Variants in IL1RAPL2 observed in about 807,000 individuals in gnomAD.
IL1RAPL2 encodes the protein X-linked interleukin-1 receptor accessory protein-like 2.
In IL1RAPL2, 3 loss-of-function variants were observed where a neutral mutation model predicts 44.1. That is an observed-to-expected ratio of 0.07 (90% CI 0.03 to 0.18). The LOEUF (loss-of-function observed/expected upper bound fraction) is 0.18, where lower values mean the gene tolerates loss of function less well. Ranked by LOEUF, IL1RAPL2 falls within the 10% of genes least tolerant of loss-of-function variation. The pLI, the probability that IL1RAPL2 is intolerant of heterozygous loss-of-function variation, is 1.00. For missense variants in IL1RAPL2, 391 were observed against 496.4 expected (o/e 0.79, Z 2.02); for synonymous variants, 181 against 178.8 (o/e 1.01, Z -0.10).
chrX:105,424,708 C>G (rs1738623920), intron 5 of IL1RAPL2, among the ~76,000 whole-genome samples: 1 of 108,641 alleles, frequency 9.2e-6, no homozygotes, highest in African/African-American at 3.4e-5. Context: ...GGAGATCATT[C>G]CATTGCACTC....
chrX:105,123,364 C>G (rs1398755162), intron 2 of IL1RAPL2, among the ~76,000 whole-genome samples: 1 of 110,882 alleles, frequency 9.0e-6, no homozygotes, highest in African/African-American at 3.3e-5. Context: ...TTGGTGAGAG[C>G]CCCACGTTAG....
chrX:104,761,930 CTTCTT>C lies in IL1RAPL2; in HGVS notation c.82+102936_82+102940del, dbSNP rs1569309919. ...CCTTCTCCTTCTCCTTCTCCTTCTT[CTTCTT>C]CTTCTTCTTCTTCTTCTTCTTCTTC... On this transcript the variant is annotated intron_variant, in intron 2 of 10. Coordinates refer to ENST00000372582, the MANE Select transcript of IL1RAPL2 (RefSeq NM_017416.2). Among the ~76,000 whole-genome samples, 47 of 38,267 alleles carry C rather than the reference CTTCTT, an allele frequency of 1.2e-3. 1 individual carries two copies. The highest frequency in any genetic ancestry group is 1.6e-3 in the Non-Finnish European group (36 of 22,084). 33.2% of individuals were successfully genotyped at this position (38,267 alleles called of 115,157 possible).
chrX:105,455,844 C>T (rs1219129397), intron 5 of IL1RAPL2, among the ~76,000 whole-genome samples: 1 of 111,877 alleles, frequency 8.9e-6, no homozygotes, highest in Non-Finnish European at 1.9e-5. Flanking sequence ...ATACTTTCAT[C>T]TAGTTCTGTG....
At chrX:104,987,000 C>T (rs1433928477) in intron 2 of IL1RAPL2, among the ~76,000 whole-genome samples, 1 of 112,413 alleles carries the variant, frequency 8.9e-6, no homozygotes. Context: ...CTCACAGGCA[C>T]TAATGTTAAT....
intron 3 of IL1RAPL2, among the ~76,000 whole-genome samples, chrX:105,223,393 A>G (rs186495411): frequency 9.0e-6 from 1 of 111,167 alleles, no homozygotes; most frequent in East Asian, 2.8e-4. Flanking sequence ...GCTGTGTGCT[A>G]CCATTGGTGA....
chrX:105,478,555 A>T (rs191848289), intron 5 of IL1RAPL2, among the ~76,000 whole-genome samples: 334 of 108,471 alleles, frequency 3.1e-3, no homozygotes, highest in Non-Finnish European at 5.2e-3. Flanking sequence ...AAAACATATT[A>T]AAAAAAAACA....
Position 104,817,648 on chromosome X carries a change from G to C in IL1RAPL2, c.82+158653G>C, listed in dbSNP as rs140563734. Among the ~76,000 whole-genome samples, 293 of 111,744 alleles carry C rather than the reference G, an allele frequency of 2.6e-3. 2 individuals are homozygous for C. Among genetic ancestry groups the C allele is most frequent in the Non-Finnish European group, 3.7e-3 (199 of 53,164 alleles). On this transcript the variant is annotated intron_variant, in intron 2 of 10. Coordinates refer to ENST00000372582, the MANE Select transcript of IL1RAPL2 (RefSeq NM_017416.2). ...CAACCCCATGCTTTACCATTTAGTAGATGTATGACTTCAGGCAAGTTACTT... is the reference window on the plus strand; with the variant it reads ...CAACCCCATGCTTTACCATTTAGTACATGTATGACTTCAGGCAAGTTACTT...
chrX:105,712,566 TAGAG>T (rs901277831), intron 6 of IL1RAPL2, among the ~76,000 whole-genome samples: 3 of 111,108 alleles, frequency 2.7e-5, no homozygotes, highest in Non-Finnish European at 3.8e-5. Flanking sequence ...TGGCAGGAGA[TAGAG>T]AGTGCACAGT....
At chrX:105,223,022 C>T (rs1418260109) in intron 3 of IL1RAPL2, among the ~76,000 whole-genome samples, 4 of 110,253 alleles carry the variant, frequency 3.6e-5, no homozygotes, top group South Asian at 4.0e-4. Flanking sequence ...TAATGGCGCA[C>T]GCCTGTAGTC....
At chrX:105,168,019 A>G (rs1267082390) in intron 2 of IL1RAPL2, among the ~76,000 whole-genome samples, 2 of 111,436 alleles carry the variant, frequency 1.8e-5, no homozygotes, top group Non-Finnish European at 3.8e-5. Context: ...ACATCGGTAT[A>G]TCTGATTCTT....
At chrX:105,444,406 A>G (rs1053723845) in intron 5 of IL1RAPL2, among the ~76,000 whole-genome samples, 1 of 110,997 alleles carries the variant, frequency 9.0e-6, no homozygotes, top group African/African-American at 3.3e-5. Flanking sequence ...TTACTCAGGA[A>G]ACTTTTGCCC....
intron 1 of IL1RAPL2, among the ~76,000 whole-genome samples, chrX:104,621,987 C>A (rs553001458): frequency 9.0e-6 from 1 of 111,057 alleles, no homozygotes; most frequent in Non-Finnish European, 1.9e-5. Flanking sequence ...TGGCTCAGAA[C>A]CAACCATTGT....
At chrX:105,629,796 G>T (rs1329281190) in intron 6 of IL1RAPL2, among the ~76,000 whole-genome samples, 2 of 111,651 alleles carry the variant, frequency 1.8e-5, no homozygotes, top group Admixed American at 1.9e-4. Flanking sequence ...AATCCAAAAT[G>T]CTAGATAATG....
intron 2 of IL1RAPL2, among the ~76,000 whole-genome samples, chrX:104,862,196 G>T (rs1226605860): frequency 3.6e-5 from 4 of 111,090 alleles, no homozygotes; most frequent in Non-Finnish European, 5.7e-5. Context: ...GTCCTTTTAT[G>T]TCACATTAAA....
At chrX:104,996,029 G>T (rs912326173) in intron 2 of IL1RAPL2, among the ~76,000 whole-genome samples, 5 of 111,817 alleles carry the variant, frequency 4.5e-5, no homozygotes, top group Non-Finnish European at 9.4e-5. Context: ...AAAAGAAGGA[G>T]GTTATGCTAT....
At chrX:105,062,680 G>A (rs1328607811) in intron 2 of IL1RAPL2, among the ~76,000 whole-genome samples, 1 of 111,240 alleles carries the variant, frequency 9.0e-6, no homozygotes, top group Admixed American at 9.6e-5. Context: ...CTTCGTGTTT[G>A]AAGTATAGTT....
chrX:104,774,989 C>T lies in IL1RAPL2; in HGVS notation c.82+115994C>T, dbSNP rs28671168. ...ACACTCCCACCATGAAACTGCCAGT[C>T]TTCCTACTCCATCACTGCATTGCTA... On this transcript the variant is annotated intron_variant, in intron 2 of 10. Transcript: ENST00000372582. 1.0e-2 allele frequency among the ~76,000 whole-genome samples: 1,119 copies of T among 112,014 alleles called. 11 individuals are homozygous for T. Among genetic ancestry groups the T allele is most frequent in the African/African-American group, 0.035 (1,066 of 30,866 alleles).
chrX:104,891,255 T>G (rs1923429401), intron 2 of IL1RAPL2, among the ~76,000 whole-genome samples: 1 of 112,001 alleles, frequency 8.9e-6, no homozygotes, highest in South Asian at 3.7e-4. Flanking sequence ...TTTGTTCTTT[T>G]GGCTTGGGAT....
intron 2 of IL1RAPL2, among the ~76,000 whole-genome samples, chrX:105,121,693 TAGAA>T (rs201180002): frequency 4.5e-4 from 50 of 111,507 alleles, no homozygotes; most frequent in African/African-American, 1.6e-3. Flanking sequence ...CAAGTGGTGT[TAGAA>T]AGAAACAGTG....
Sources: allele counts gnomAD v4.1 joint callset (sites outside exome capture counted in the v4.1 genomes callset), GRCh38; gene constraint gnomAD v4.1.1; transcripts MANE v1.5; gene names NCBI Gene and HGNC (gene_info 2026-07-23, HGNC 2026-07-21).